FBXW7: variants seen among roughly 807,000 people sequenced by gnomAD.
FBXW7 encodes the protein F-box and WD repeat domain containing 7, also known as F-box/WD repeat-containing protein 7.
Under a neutral mutation model 86.3 loss-of-function variants are expected in FBXW7, and 11 were observed. The ratio of observed to expected loss-of-function variants is 0.13; its 90% CI spans 0.08 to 0.21. The LOEUF is 0.21. Among genes scored for constraint, FBXW7 ranks in the 10% least tolerant of loss-of-function variants. The probability of loss-of-function intolerance (pLI) is 1.00; values close to 1 mark genes in which losing one functional copy is unlikely to be tolerated. For synonymous variants in FBXW7, 313 were observed against 297.9 expected (o/e 1.05, Z -0.52); for missense variants, 488 against 847.4 (o/e 0.58, Z 5.27).
At chr4:152,459,989 G>A (rs896476284) in intron 2 of FBXW7, among the ~76,000 whole-genome samples, 30 of 152,170 alleles carry the variant, frequency 2.0e-4, no homozygotes, top group African/African-American at 6.3e-4. Flanking sequence ...ACTCGGGGAA[G>A]GGAAATGGGA....
Position 152,411,359 on chromosome 4 carries a change from T to C in FBXW7, c.445A>G (p.Ile149Val), listed in dbSNP as rs750091488. The C allele has an allele frequency of 1.2e-6, 2 of 1,613,522 alleles. No individual in the cohort carries two copies. Among genetic ancestry groups the C allele is most frequent in the South Asian group, 1.1e-5 (1 of 91,006 alleles). ...HTNSVTNSSSIVDLPVHQLSS... is the reference protein window; with the variant it reads ...HTNSVTNSSSVVDLPVHQLSS... Reference sequence around the variant, plus strand: ...AGTTGGTGAACGGGCAGGTCCACAATACTACTGGAGTTCGTGACACTGTTA... The same window carrying C: ...AGTTGGTGAACGGGCAGGTCCACAACACTACTGGAGTTCGTGACACTGTTA... Residue 149 changes from isoleucine to valine, a missense_variant, in exon 4 of 14, where the codon ATT (isoleucine) becomes GTT (valine). This residue lies in a region of FBXW7 where 230 missense variants were observed against 240.0 expected (regional missense o/e 0.96). Transcript: ENST00000281708.
At chr4:152,475,494 C>T (rs1452442336) in intron 2 of FBXW7, among the ~76,000 whole-genome samples, 5 of 152,026 alleles carry the variant, frequency 3.3e-5, no homozygotes, top group Non-Finnish European at 7.4e-5. Flanking sequence ...GTTTTTACCA[C>T]CTCTATTCAG....
intron 2 of FBXW7, among the ~76,000 whole-genome samples, chr4:152,500,380 A>G (rs987763415): frequency 5.3e-5 from 8 of 151,936 alleles, no homozygotes; most frequent in African/African-American, 1.9e-4. Context: ...AGAATCTCTG[A>G]TAACTGCACC....
At chr4:152,382,199 C>A (rs992031377) in intron 4 of FBXW7, 2 of 1,549,000 alleles carry the variant, frequency 1.3e-6, no homozygotes, top group African/African-American at 2.8e-5. Flanking sequence ...CCGTCTTCGA[C>A]AAAAAGGGAG....
At chr4:152,463,747 T>C (rs1743172303) in intron 2 of FBXW7, among the ~76,000 whole-genome samples, 1 of 152,192 alleles carries the variant, frequency 6.6e-6, no homozygotes, top group Admixed American at 6.5e-5. Context: ...ATGTGGTATT[T>C]CTGAGTCATC....
At chr4:152,533,499 A>G (rs1009798561) in intron 2 of FBXW7, among the ~76,000 whole-genome samples, 1 of 152,226 alleles carries the variant, frequency 6.6e-6, no homozygotes, top group East Asian at 1.9e-4. Flanking sequence ...AAAGTTCCTT[A>G]CCAAAGCATA....
intron 2 of FBXW7, among the ~76,000 whole-genome samples, chr4:152,459,760 C>G (rs75551143): frequency 6.6e-6 from 1 of 152,038 alleles, no homozygotes; most frequent in African/African-American, 2.4e-5. Flanking sequence ...AGATTAACAA[C>G]AACAATAATA....
chr4:152,479,689 A>G (rs1026649091), intron 2 of FBXW7, among the ~76,000 whole-genome samples: 12 of 152,174 alleles, frequency 7.9e-5, no homozygotes, highest in African/African-American at 2.9e-4. Flanking sequence ...CCAAGGTTAC[A>G]TCATTCCGCA....
intron 2 of FBXW7, among the ~76,000 whole-genome samples, chr4:152,444,073 T>C (rs1345720683): frequency 1.3e-5 from 2 of 150,772 alleles, no homozygotes; most frequent in Admixed American, 6.7e-5. Context: ...TCTACAAACA[T>C]GTGCTTTAAA....
chr4:152,352,445 C>A (rs1238846631), intron 4 of FBXW7: 1 of 1,613,466 alleles, frequency 6.2e-7, no homozygotes, highest in Non-Finnish European at 8.5e-7. Flanking sequence ...AATCACATAG[C>A]ATAGGAAGAA....
At chr4:152,393,096 T>C (rs1019771008) in intron 4 of FBXW7, among the ~76,000 whole-genome samples, 4 of 152,122 alleles carry the variant, frequency 2.6e-5, no homozygotes, top group African/African-American at 7.2e-5. Context: ...AAAGCCCTTT[T>C]AGAAGGTGCA....
intron 2 of FBXW7, among the ~76,000 whole-genome samples, chr4:152,475,388 G>C (rs992214441): frequency 1.3e-5 from 2 of 151,936 alleles, no homozygotes; most frequent in African/African-American, 4.8e-5. Flanking sequence ...GATCATACCG[G>C]TGCACTCCAG....
In FBXW7 at chr4:152,339,046, T is replaced by A. The variant is rs181253104; in HGVS notation, c.727-1110A>T. ...TGTATTTGGAATACTTTTTAAAGTATTTACCCATGTGGAATCTACAATGAA... is the reference window on the plus strand; with the variant it reads ...TGTATTTGGAATACTTTTTAAAGTAATTACCCATGTGGAATCTACAATGAA... On this transcript the variant is annotated intron_variant, in intron 6 of 13. Transcript: ENST00000281708. 6.5e-4 allele frequency among the ~76,000 whole-genome samples: 99 copies of A among 152,316 alleles called. No homozygotes were observed. The East Asian group carries it at 0.019, about 28-fold the overall frequency.
chr4:152,450,827 T>C (rs915631599), intron 2 of FBXW7, among the ~76,000 whole-genome samples: 5 of 152,242 alleles, frequency 3.3e-5, no homozygotes, highest in African/African-American at 1.2e-4. Flanking sequence ...TCAGTCTGCA[T>C]CACTATTGTT....
chr4:152,456,378 A>C (rs1388288043), intron 2 of FBXW7, among the ~76,000 whole-genome samples: 255 of 149,686 alleles, frequency 1.7e-3, no homozygotes, highest in African/African-American at 6.2e-3. Flanking sequence ...AAAAAAAAAA[A>C]AAAAAAAAAC....
chr4:152,381,077 T>C (rs1735019702), intron 4 of FBXW7, among the ~76,000 whole-genome samples: 1 of 152,110 alleles, frequency 6.6e-6, no homozygotes, highest in Admixed American at 6.6e-5. Flanking sequence ...GTTTAAACTG[T>C]ATTACATTTT....
At chr4:152,471,512 GGGGAGGGA>G (rs1167216290) in intron 2 of FBXW7, among the ~76,000 whole-genome samples, 4 of 118,660 alleles carry the variant, frequency 3.4e-5, no homozygotes, top group African/African-American at 9.8e-5. Context: ...GGAAGGGAAT[GGGGAGGGA>G]GGGAGGGAGG....
chr4:152,345,765 C>G (rs546518202), intron 6 of FBXW7, among the ~76,000 whole-genome samples: 1 of 152,050 alleles, frequency 6.6e-6, no homozygotes, highest in East Asian at 1.9e-4. Context: ...TTTCTACCTA[C>G]AGAAGAAAAA....
At chr4:152,366,677 C>T (rs1272852485) in intron 4 of FBXW7, among the ~76,000 whole-genome samples, 1 of 152,170 alleles carries the variant, frequency 6.6e-6, no homozygotes, top group Non-Finnish European at 1.5e-5. Context: ...CTCTTTTACA[C>T]TGTTGGTGGG....
Sources: allele counts gnomAD v4.1 joint callset (sites outside exome capture counted in the v4.1 genomes callset), GRCh38; gene constraint gnomAD v4.1.1; regional missense constraint gnomAD v4.1.1; transcripts MANE v1.5; gene names NCBI Gene and HGNC (gene_info 2026-07-23, HGNC 2026-07-21).